HNRNPM: variants seen among roughly 807,000 people sequenced by gnomAD.
HNRNPM encodes heterogeneous nuclear ribonucleoprotein M, also known as CEA receptor.
HNRNPM carries 11 observed loss-of-function variants against 73.1 expected under a neutral mutation model. The ratio of observed to expected loss-of-function variants is 0.15; its 90% CI spans 0.09 to 0.25. The LOEUF is 0.25. Ranked by LOEUF, HNRNPM falls within the 10% of genes least tolerant of loss-of-function variation. The probability of loss-of-function intolerance (pLI) is 1.00; values close to 1 mark genes in which losing one functional copy is unlikely to be tolerated. For missense variants in HNRNPM, 789 were observed against 1,067.9 expected (o/e 0.74, Z 3.64); for synonymous variants, 407 against 355.2 (o/e 1.15, Z -1.64).
chr19:8,461,803 G>A (rs1568271203), intron 2 of HNRNPM, among the ~76,000 whole-genome samples: 1 of 152,168 alleles, frequency 6.6e-6, no homozygotes, highest in Non-Finnish European at 1.5e-5. Flanking sequence ...TCCAGATGCT[G>A]CTCTGGTTTT....
In HNRNPM at chr19:8,473,648, A is replaced by G. The variant is rs1568286517; in HGVS notation, c.998-16A>G. ...TTTGACATAATTTTAGTTTGCATTG[A>G]CTTTTTCTTTTTAAGGAATGGGAAT... On this transcript the variant is annotated splice_polypyrimidine_tract_variant and intron_variant, in intron 10 of 15. Coordinates refer to ENST00000325495, the MANE Select transcript of HNRNPM (RefSeq NM_005968.5). The G allele has an allele frequency of 3.3e-6, 5 of 1,526,536 alleles. No individual in the cohort carries two copies. In the East Asian group the frequency reaches 9.0e-5, roughly 28 times the overall value. The allele number at this position is 1,526,536 out of a possible 1,614,324, so 94.6% of individuals were successfully genotyped here. A position where few individuals can be genotyped will look rare whatever the true frequency, so the allele number is the denominator to read the frequency against.
rs1459879179 is a variant in HNRNPM, at chr19:8,488,911, T to A, written c.*57T>A. On this transcript the variant is annotated 3_prime_UTR_variant, in exon 16 of 16. Coordinates refer to ENST00000325495, the MANE Select transcript of HNRNPM (RefSeq NM_005968.5). ...CCTCTGAATTTGTATTTTTTCTTGT[T>A]AACCATTTTAATTTGTTGGCTGGAT... The A allele has an allele frequency of 1.4e-6, 2 of 1,458,134 alleles. No homozygotes were observed. Among genetic ancestry groups the A allele is most frequent in the South Asian group, 1.3e-5 (1 of 75,852 alleles). 90.3% of individuals were successfully genotyped at this position (1,458,134 alleles called of 1,614,324 possible).
chr19:8,488,433 C>A, intron 15 of HNRNPM: 1 of 406,594 alleles, frequency 2.5e-6, no homozygotes, highest in Non-Finnish European at 4.5e-6. Flanking sequence ...GCTGGCTTTA[C>A]ACTGCGCCTT....
intron 15 of HNRNPM, chr19:8,488,464 C>T (rs1971474511): frequency 1.4e-5 from 6 of 430,498 alleles, no homozygotes; most frequent in Admixed American, 3.8e-5. Flanking sequence ...CTTCCTGAAG[C>T]GTAAAGGCGT....
At chr19:8,453,924 A>G (rs988800300) in intron 1 of HNRNPM, among the ~76,000 whole-genome samples, 2 of 152,140 alleles carry the variant, frequency 1.3e-5, no homozygotes, top group African/African-American at 4.8e-5. Flanking sequence ...AAAGAGTGCA[A>G]TGGGAAGGCC....
In HNRNPM at chr19:8,462,710, C is replaced by A; in HGVS notation, c.336+129C>A. ...TTACAGTAGCTATGTTTGATTTTGC[C>A]AAACATTTGAGTGGGGTGGGAGGGG... is the stretch of plus-strand genomic sequence containing the variant. On this transcript the variant is annotated intron_variant, in intron 3 of 15. Transcript: ENST00000325495. The surrounding 1 kb of genome is among the most constrained non-coding windows in gnomAD (Gnocchi z 4.5). 4.9e-6 allele frequency: 4 copies of A among 811,994 alleles called. No homozygotes were observed. The highest frequency in any genetic ancestry group is 8.5e-6 in the Non-Finnish European group (4 of 471,342). 50.3% of individuals were successfully genotyped at this position (811,994 alleles called of 1,614,324 possible). A position where few individuals can be genotyped will look rare whatever the true frequency, so the allele number is the denominator to read the frequency against.
intron 2 of HNRNPM, among the ~76,000 whole-genome samples, chr19:8,461,082 C>T (rs1012733935): frequency 6.6e-6 from 1 of 152,134 alleles, no homozygotes; most frequent in Non-Finnish European, 1.5e-5. Context: ...CTCATATTTC[C>T]GTTCTTCATT....
At position 8,473,649 on chromosome 19, in the gene HNRNPM, CT is replaced by C; in HGVS notation, c.998-10del. The C allele has an allele frequency of 2.0e-6, 3 of 1,533,414 alleles. No individual in the cohort carries two copies. Among genetic ancestry groups the C allele is most frequent in the Non-Finnish European group, 2.7e-6 (3 of 1,111,532 alleles). 95.0% of individuals were successfully genotyped at this position (1,533,414 alleles called of 1,614,324 possible). ...TTGACATAATTTTAGTTTGCATTGA[CT>C]TTTTCTTTTTAAGGAATGGGAATGG... On this transcript the variant is annotated splice_polypyrimidine_tract_variant and intron_variant, in intron 10 of 15. Transcript: ENST00000325495.
intron 10 of HNRNPM, among the ~76,000 whole-genome samples, chr19:8,472,229 G>C (rs112387416): frequency 7.3e-5 from 11 of 151,434 alleles, no homozygotes; most frequent in African/African-American, 2.7e-4. Context: ...ATAAACTCAG[G>C]CTTTGCTGTT....
At chr19:8,450,445 C>G (rs992292171) in intron 1 of HNRNPM, among the ~76,000 whole-genome samples, 3 of 152,136 alleles carry the variant, frequency 2.0e-5, no homozygotes, top group Non-Finnish European at 4.4e-5. Flanking sequence ...GAGTTTCACT[C>G]TTGTCCCTCA....
chr19:8,477,036 T>C (rs1043139632), intron 12 of HNRNPM, among the ~76,000 whole-genome samples: 1 of 152,208 alleles, frequency 6.6e-6, no homozygotes, highest in Admixed American at 6.5e-5. Flanking sequence ...GTGCTGCTGC[T>C]GCCACATCTC....
At chr19:8,470,999 CTT>C (rs1296346948) in intron 9 of HNRNPM, among the ~76,000 whole-genome samples, 4 of 152,124 alleles carry the variant, frequency 2.6e-5, no homozygotes, top group African/African-American at 7.2e-5. Context: ...CACCTGATGT[CTT>C]GAGTCACCTT....
chr19:8,466,504 G>A, intron 7 of HNRNPM, 116 bp downstream of exon 7: 2 of 1,025,268 alleles, frequency 2.0e-6, no homozygotes, highest in East Asian at 2.4e-5. Flanking sequence ...TATGTGACTA[G>A]GGGGAGTGCA....
At chr19:8,471,028 C>A (rs944014909) in intron 9 of HNRNPM, among the ~76,000 whole-genome samples, 1 of 152,140 alleles carries the variant, frequency 6.6e-6, no homozygotes, top group African/African-American at 2.4e-5. Flanking sequence ...TCAGACAGTT[C>A]TCAGTCCATG....
chr19:8,446,857 TC>T (rs1278962189), intron 1 of HNRNPM, among the ~76,000 whole-genome samples: 1 of 152,192 alleles, frequency 6.6e-6, no homozygotes, highest in African/African-American at 2.4e-5. Flanking sequence ...CTTCCTCTAT[TC>T]CCAGCATTTT....
intron 12 of HNRNPM, among the ~76,000 whole-genome samples, chr19:8,481,188 G>GC (rs888781500): frequency 6.6e-6 from 1 of 152,168 alleles, no homozygotes; most frequent in African/African-American, 2.4e-5. Flanking sequence ...ATTTGGATAG[G>GC]CCTGTGGTCT....
Position 8,475,533 on chromosome 19 carries a change from CTGA to C in HNRNPM, c.1120+1294_1120+1296del, listed in dbSNP as rs1209650597. ...TGTCAGGCTTGAAAGGCGGCTGTCC[CTGA>C]TGATCAGGCCCTTCTTCCGGTGCAC... is the stretch of plus-strand genomic sequence containing the variant. On this transcript the variant is annotated intron_variant, in intron 12 of 15. Transcript: ENST00000325495. Among the ~76,000 whole-genome samples, 6 of 152,296 alleles carry C rather than the reference CTGA, an allele frequency of 3.9e-5. No homozygotes were observed. In the South Asian group the frequency reaches 1.2e-3, roughly 32 times the overall value.
intron 7 of HNRNPM, among the ~76,000 whole-genome samples, chr19:8,466,996 G>C (rs2145675634): frequency 6.6e-6 from 1 of 152,246 alleles, no homozygotes; most frequent in South Asian, 2.1e-4. Context: ...TGTGCTACTA[G>C]AGAGAAAGTG....
intron 7 of HNRNPM, among the ~76,000 whole-genome samples, chr19:8,466,656 C>T (rs1969765966): frequency 6.6e-6 from 1 of 151,794 alleles, no homozygotes; most frequent in African/African-American, 2.4e-5. Context: ...GAAACCCCGG[C>T]TCTACTAAAA....
Sources: allele counts gnomAD v4.1 joint callset (sites outside exome capture counted in the v4.1 genomes callset), GRCh38; gene constraint gnomAD v4.1.1; non-coding constraint Gnocchi (gnomAD v3.1); transcripts MANE v1.5; gene names NCBI Gene and HGNC (gene_info 2026-07-23, HGNC 2026-07-21).